The following EEA1 variants were observed in gnomAD, a reference collection of about 807,000 sequenced individuals.
EEA1 encodes early endosome antigen 1, 162kD.
EEA1 carries 111 observed loss-of-function variants against 209.2 expected under a neutral mutation model. The ratio of observed to expected loss-of-function variants is 0.53; its 90% CI spans 0.45 to 0.62. The LOEUF (loss-of-function observed/expected upper bound fraction) is 0.62. EEA1 is among the 20% of genes least tolerant of loss of function. The pLI is 0.00. For synonymous variants in EEA1, 536 were observed against 540.6 expected (o/e 0.99, Z 0.12); for missense variants, 1,343 against 1,530.8 (o/e 0.88, Z 2.05).
chr12:92,856,308 T>A (rs1002264655), intron 5 of EEA1, among the ~76,000 whole-genome samples: 1 of 152,160 alleles, frequency 6.6e-6, no homozygotes, highest in Admixed American at 6.5e-5. Context: ...ATAAAAATCA[T>A]AATTAAGGCA....
intron 16 of EEA1, among the ~76,000 whole-genome samples, chr12:92,812,738 A>T (rs1013281168): frequency 7.2e-5 from 11 of 152,204 alleles, no homozygotes; most frequent in Non-Finnish European, 4.4e-5. Context: ...GAGAAGGACA[A>T]TATCAGGAAA....
At chr12:92,817,879 C>T (rs555410364) in intron 14 of EEA1, among the ~76,000 whole-genome samples, 32 of 152,246 alleles carry the variant, frequency 2.1e-4, no homozygotes, top group Non-Finnish European at 4.3e-4. Context: ...TTTAGCCTTA[C>T]TGCCCTCCTA....
chr12:92,928,176 A>C (rs1881281671), intron 1 of EEA1, among the ~76,000 whole-genome samples: 1 of 151,586 alleles, frequency 6.6e-6, no homozygotes, highest in Non-Finnish European at 1.5e-5. Flanking sequence ...AAAAAAAAAC[A>C]AATTTAAGTT....
In EEA1 at chr12:92,842,558, A is replaced by G. The variant is rs1592731710; in HGVS notation, c.822T>C (p.Ser274=). ...CTTCCTGGGGGCCTTTGGCAAGTTC[A>G]CTCCTTAGCTGGCTTATTGTGGCCT... is the stretch of plus-strand genomic sequence containing the variant. ...SSEATISQLR[S]ELAKGPQEVA... The change falls in exon 10 of 29, where the codon AGT becomes AGC. Residue 274 remains serine, a synonymous_variant. Transcript: ENST00000322349. 6.2e-7 allele frequency: 1 copy of G among 1,604,318 alleles called. No homozygotes were observed. Among genetic ancestry groups the G allele is most frequent in the Non-Finnish European group, 8.5e-7 (1 of 1,175,790 alleles).
rs553167440 is a variant in EEA1 at position 92,910,388 on chromosome 12, G to T, written c.24+18655C>A. Among the ~76,000 whole-genome samples, 19 of 151,404 alleles carry T rather than the reference G, an allele frequency of 1.3e-4. No homozygotes were observed. In the South Asian group the frequency reaches 4.0e-3, roughly 32 times the overall value. The stretch of plus-strand genomic sequence containing the variant: ...GGAAGCTGAGGCAGGAGAATCGCTT[G>T]AACTCGGGAGGCGGAGGTTGCAGTG... On this transcript the variant is annotated intron_variant, in intron 1 of 28. Transcript: ENST00000322349.
intron 2 of EEA1, among the ~76,000 whole-genome samples, chr12:92,889,554 A>C (rs992388178): frequency 4.0e-5 from 6 of 150,326 alleles, no homozygotes; most frequent in Admixed American, 2.7e-4. Context: ...AGAACAAACC[A>C]AAAAAAAACC....
intron 10 of EEA1, among the ~76,000 whole-genome samples, chr12:92,835,825 A>G (rs975945574): frequency 1.2e-4 from 18 of 152,212 alleles, no homozygotes; most frequent in Admixed American, 2.0e-4. Context: ...CAAACATGAA[A>G]GAGAATTAAA....
rs1395147203 is a variant in EEA1, at chr12:92,819,297, T to C, written c.1728+11A>G. The C allele has an allele frequency of 1.3e-6, 2 of 1,571,502 alleles. No homozygotes were observed. Among genetic ancestry groups the C allele is most frequent in the Admixed American group, 1.9e-5 (1 of 52,266 alleles). On this transcript the variant is annotated intron_variant, in intron 14 of 28. Coordinates refer to ENST00000322349, the MANE Select transcript of EEA1 (RefSeq NM_003566.4). ...TAAATTTTACAAATATAATATATTT[T>C]ACAAGCTTACTTGCTCCTGTAGTGT...
At chr12:92,852,857 T>C (rs963387370) in intron 7 of EEA1, 55 bp downstream of exon 7, 1 of 1,282,414 alleles carries the variant, frequency 7.8e-7, no homozygotes, top group Non-Finnish European at 1.1e-6. Context: ...GGGTATATAA[T>C]GGCAAAAAGG....
At chr12:92,902,319 C>T (rs1335025044) in intron 1 of EEA1, among the ~76,000 whole-genome samples, 1 of 152,098 alleles carries the variant, frequency 6.6e-6, no homozygotes, top group African/African-American at 2.4e-5. Flanking sequence ...CAGGTAGAGG[C>T]AGCTAAGTTC....
intron 1 of EEA1, among the ~76,000 whole-genome samples, chr12:92,907,178 C>T (rs539817887): frequency 6.6e-6 from 1 of 152,196 alleles, no homozygotes; most frequent in African/African-American, 2.4e-5. Flanking sequence ...ATCACATACT[C>T]TTTAGGTAAA....
At chr12:92,882,161 G>A (rs1186472436) in intron 2 of EEA1, among the ~76,000 whole-genome samples, 1 of 151,846 alleles carries the variant, frequency 6.6e-6, no homozygotes, top group Non-Finnish European at 1.5e-5. Flanking sequence ...AGGCTGGAGT[G>A]CAGTGGAGTG....
At chr12:92,911,602 C>A (rs1440839136) in intron 1 of EEA1, among the ~76,000 whole-genome samples, 2 of 152,136 alleles carry the variant, frequency 1.3e-5, no homozygotes, top group Non-Finnish European at 2.9e-5. Flanking sequence ...ATGTACAACA[C>A]CAAGAGTGAA....
chr12:92,835,400 C>CCTTTTTTTTTTTTTTTTT (rs1876874576), intron 10 of EEA1: 1 of 147,936 alleles, frequency 6.8e-6, no homozygotes, highest in Non-Finnish European at 1.3e-5. Context: ...AGTTTCACTC[C>CCTTTTTTTTTTTTTTTTT]TTTTTTTTTT....
intron 11 of EEA1, among the ~76,000 whole-genome samples, chr12:92,828,472 G>A (rs1312867031): frequency 6.6e-6 from 1 of 151,916 alleles, no homozygotes; most frequent in Non-Finnish European, 1.5e-5. Context: ...GTTTTCCATA[G>A]CCAAGAACTA....
chr12:92,881,169 C>T (rs1446519831), intron 2 of EEA1, among the ~76,000 whole-genome samples: 4 of 151,926 alleles, frequency 2.6e-5, no homozygotes, highest in East Asian at 1.9e-4. Flanking sequence ...TTTGGGAAGC[C>T]GAGGCGGGTG....
At chr12:92,880,820 A>G (rs1879106324) in intron 2 of EEA1, among the ~76,000 whole-genome samples, 1 of 152,154 alleles carries the variant, frequency 6.6e-6, no homozygotes, top group Admixed American at 6.5e-5. Flanking sequence ...AATGGCATAG[A>G]TGCACTTTTC....
chr12:92,852,217 T>A lies in EEA1; in HGVS notation c.600A>T (p.Leu200Phe). The A allele has an allele frequency of 6.3e-7, 1 of 1,596,776 alleles. No individual in the cohort carries two copies. The highest frequency in any genetic ancestry group is 8.5e-7 in the Non-Finnish European group (1 of 1,172,532). ...EQKVTRLTEE[L>F]NKEATVIQDL... ...CTTGAATTACAGTTGCCTCTTTGTT[T>A]AATTCTTCTGTCAGACGTGTCACTT... The change falls in exon 8 of 29, where the codon TTA becomes TTT. Residue 200 changes from leucine to phenylalanine, a missense_variant. This residue lies in a region of EEA1 where 1,307 missense variants were observed against 1,465.5 expected (regional missense o/e 0.89). Transcript: ENST00000322349.
At position 92,770,710 on chromosome 12, in the gene EEA1, A is replaced by G. The variant is rs1207117622; in HGVS notation, c.*5301T>C. 6.6e-6 allele frequency: 1 copy of G among 152,382 alleles called. No individual in the cohort carries two copies. Among genetic ancestry groups the G allele is most frequent in the African/African-American group, 2.4e-5 (1 of 41,468 alleles). 9.4% of individuals were successfully genotyped at this position (152,382 alleles called of 1,614,324 possible). On this transcript the variant is annotated 3_prime_UTR_variant, in exon 29 of 29. Coordinates refer to ENST00000322349, the MANE Select transcript of EEA1 (RefSeq NM_003566.4). ...GTTCTTTTAATATACAAAGCAATAA[A>G]TAGGGACTACATTTAAGTAGCAGTT...
Sources: allele counts gnomAD v4.1 joint callset (sites outside exome capture counted in the v4.1 genomes callset), GRCh38; gene constraint gnomAD v4.1.1; regional missense constraint gnomAD v4.1.1; transcripts MANE v1.5; gene names NCBI Gene and HGNC (gene_info 2026-07-23, HGNC 2026-07-21).